The following CHCHD3 variants were observed in gnomAD, a reference collection of about 807,000 sequenced individuals.
CHCHD3 encodes the protein coiled-coil-helix-coiled-coil-helix domain containing 3, also known as MICOS complex subunit MIC19.
In CHCHD3, 20 loss-of-function variants were observed where a neutral mutation model predicts 38.2. The ratio of observed to expected loss-of-function variants is 0.52; its 90% confidence interval spans 0.37 to 0.76. The LOEUF (loss-of-function observed/expected upper bound fraction) is 0.76. Ranked by LOEUF, CHCHD3 falls within the 30% of genes least tolerant of loss-of-function variation. The pLI, the probability that CHCHD3 is intolerant of heterozygous loss-of-function variation, is 0.00. For missense variants in CHCHD3, 245 were observed against 279.2 expected (o/e 0.88, Z 0.87); for synonymous variants, 82 against 100.0 (o/e 0.82, Z 1.07).
intron 6 of CHCHD3, among the ~76,000 whole-genome samples, chr7:132,832,958 G>C (rs944396198): frequency 6.6e-6 from 1 of 152,146 alleles, no homozygotes; most frequent in Non-Finnish European, 1.5e-5. Flanking sequence ...TAGAGGTTTA[G>C]CAGCATCTAG....
intron 5 of CHCHD3, among the ~76,000 whole-genome samples, chr7:132,843,019 G>A (rs1012366077): frequency 6.6e-6 from 1 of 152,008 alleles, no homozygotes; most frequent in Admixed American, 6.6e-5. Flanking sequence ...GTGTTCTGAT[G>A]GTACATAGAT....
chr7:133,049,983 C>T (rs1814104270), intron 2 of CHCHD3, among the ~76,000 whole-genome samples: 2 of 152,062 alleles, frequency 1.3e-5, no homozygotes. Flanking sequence ...TCACTGTGGG[C>T]CAGGTGGTAG....
intron 2 of CHCHD3, among the ~76,000 whole-genome samples, chr7:133,050,008 A>G (rs1410478842): frequency 6.6e-6 from 1 of 152,268 alleles, no homozygotes; most frequent in African/African-American, 2.4e-5. Flanking sequence ...AACATAGTTC[A>G]TGACATTATC....
At chr7:133,016,222 G>A (rs1813027073) in intron 3 of CHCHD3, among the ~76,000 whole-genome samples, 2 of 152,170 alleles carry the variant, frequency 1.3e-5, no homozygotes, top group Admixed American at 1.3e-4. Context: ...CAGTAGGGGT[G>A]TTATATAGTT....
chr7:132,922,696 T>A (rs1466894058), intron 4 of CHCHD3, among the ~76,000 whole-genome samples: 1 of 152,196 alleles, frequency 6.6e-6, no homozygotes, highest in East Asian at 1.9e-4. Context: ...GACTTCATAA[T>A]CCAAGTGTGT....
At chr7:132,984,103 CT>C (rs566281074) in intron 3 of CHCHD3, among the ~76,000 whole-genome samples, 2,097 of 141,514 alleles carry the variant, frequency 0.015, 34 homozygotes, top group African/African-American at 0.052. Context: ...CGGTCTCCCC[CT>C]GATGCCGAGC....
At chr7:132,993,924 T>G (rs141751145) in intron 3 of CHCHD3, among the ~76,000 whole-genome samples, 1 of 152,320 alleles carries the variant, frequency 6.6e-6, no homozygotes, top group South Asian at 2.1e-4. Flanking sequence ...GGTGCAGAGA[T>G]GCTTCAAGTC....
At chr7:132,906,034 ATGTTAAC>A (rs2117211380) in intron 4 of CHCHD3, among the ~76,000 whole-genome samples, 1 of 152,338 alleles carries the variant, frequency 6.6e-6, no homozygotes, top group African/African-American at 2.4e-5. Context: ...AAGAGAGTGG[ATGTTAAC>A]TGCACTGGCC....
chr7:132,947,799 A>T (rs547166724), intron 4 of CHCHD3, among the ~76,000 whole-genome samples: 16 of 148,920 alleles, frequency 1.1e-4, no homozygotes, highest in Non-Finnish European at 1.6e-4. Flanking sequence ...CTCCAAATTT[A>T]AAAAAAAATC....
At chr7:132,969,742 T>C (rs1437193792) in intron 4 of CHCHD3, among the ~76,000 whole-genome samples, 1 of 152,232 alleles carries the variant, frequency 6.6e-6, no homozygotes, top group Non-Finnish European at 1.5e-5. Flanking sequence ...CAGGGCTTTC[T>C]AACTGGTCTC....
intron 5 of CHCHD3, among the ~76,000 whole-genome samples, chr7:132,861,307 T>C (rs1808485238): frequency 6.6e-6 from 1 of 152,170 alleles, no homozygotes; most frequent in South Asian, 2.1e-4. Context: ...GAGTGTGTGC[T>C]TCCTAAGTGT....
At chr7:132,959,992 T>A (rs1363163479) in intron 4 of CHCHD3, among the ~76,000 whole-genome samples, 1 of 152,064 alleles carries the variant, frequency 6.6e-6, no homozygotes, top group Non-Finnish European at 1.5e-5. Context: ...AACAAACGTA[T>A]CTCCAGAATA....
chr7:132,803,961 C>T (rs1489529828), intron 6 of CHCHD3, among the ~76,000 whole-genome samples: 3 of 151,498 alleles, frequency 2.0e-5, no homozygotes, highest in Non-Finnish European at 4.4e-5. Context: ...ATCTTGTCTT[C>T]GAAGGTAACT....
chr7:132,811,297 C>T (rs75971388), intron 6 of CHCHD3, among the ~76,000 whole-genome samples: 1,553 of 152,348 alleles, frequency 0.01, 28 homozygotes, highest in African/African-American at 0.035. Context: ...TTCTCTAGAA[C>T]AGTGCTATCC....
chr7:132,985,552 G>C (rs1339655702), intron 3 of CHCHD3, among the ~76,000 whole-genome samples: 2 of 86,670 alleles, frequency 2.3e-5, no homozygotes, highest in Non-Finnish European at 4.8e-5. Flanking sequence ...GGAGGGAGGT[G>C]GGGGGGTCAG....
At chr7:132,997,216 T>C (rs1009761579) in intron 3 of CHCHD3, among the ~76,000 whole-genome samples, 1 of 152,190 alleles carries the variant, frequency 6.6e-6, no homozygotes, top group Non-Finnish European at 1.5e-5. Context: ...AGAACGGCTG[T>C]AGGTGTTCAA....
intron 4 of CHCHD3, among the ~76,000 whole-genome samples, chr7:132,958,979 T>C (rs913568986): frequency 6.6e-6 from 1 of 152,178 alleles, no homozygotes; most frequent in African/African-American, 2.4e-5. Context: ...CCGGGCAACA[T>C]ATGTGTCTAT....
chr7:132,871,838 C>T (rs936545996), intron 5 of CHCHD3, among the ~76,000 whole-genome samples: 1 of 152,058 alleles, frequency 6.6e-6, no homozygotes, highest in African/African-American at 2.4e-5. Flanking sequence ...TACAACTCAT[C>T]ACAAGTATTA....
rs1809427648 is a variant in CHCHD3, at chr7:132,893,774, T to C, written c.370-8029A>G. The stretch of plus-strand genomic sequence containing the variant: ...TCTGTAAGTGTCTGAAGGTTTCTCT[T>C]TCACAGGCTCTTTCTCCTGCCACCT... On this transcript the variant is annotated intron_variant, in intron 4 of 7. Transcript: ENST00000262570. 4.6e-5 allele frequency among the ~76,000 whole-genome samples: 7 copies of C among 152,182 alleles called. No homozygotes were observed. The South Asian group carries it at 1.4e-3, about 32-fold the overall frequency.
Sources: gnomAD v4.1 joint callset for allele counts (sites outside exome capture counted in the v4.1 genomes callset) on GRCh38, gnomAD v4.1.1 for gene constraint, MANE v1.5 for transcripts, NCBI Gene and HGNC (gene_info 2026-07-23, HGNC 2026-07-21) for gene names.